The following CMIP variants were observed in gnomAD, a reference collection of about 807,000 sequenced individuals.
CMIP encodes the protein C-Maf-inducing protein.
Under a neutral mutation model 97.3 loss-of-function variants are expected in CMIP, and 13 were observed. The observed-to-expected ratio is 0.13, with a 90% CI of 0.09 to 0.21. CMIP has a LOEUF of 0.21. CMIP is among the 10% of genes least tolerant of loss of function. CMIP has a pLI of 1.00. For synonymous variants in CMIP, 538 were observed against 436.3 expected (o/e 1.23, Z -2.91); for missense variants, 847 against 1,024.9 (o/e 0.83, Z 2.37).
chr16:81,509,109 C>T (rs925489211), intron 1 of CMIP, among the ~76,000 whole-genome samples: 5 of 152,188 alleles, frequency 3.3e-5, no homozygotes, highest in Admixed American at 1.3e-4. Flanking sequence ...GAAAAAGTGC[C>T]AGCAGGTCCT....
At chr16:81,495,425 G>A in intron 1 of CMIP, 1 of 1,604,034 alleles carries the variant, frequency 6.2e-7, no homozygotes, top group Non-Finnish European at 8.5e-7. Flanking sequence ...CTGCCGCTCT[G>A]TTTCCTGCGA....
chr16:81,668,143 G>A (rs867544502), intron 7 of CMIP, among the ~76,000 whole-genome samples: 1 of 152,118 alleles, frequency 6.6e-6, no homozygotes, highest in African/African-American at 2.4e-5. Flanking sequence ...TCCTGATGCA[G>A]GCTGCTCTCC....
chr16:81,652,243 G>A lies in CMIP; in HGVS notation c.518G>A (p.Ser173Asn), dbSNP rs775624890. The part of the protein sequence containing the change: ...YKYKKVLSNP[S>N]RWEVVLKEIR... ...TATAAGAAAGTGCTGAGTAACCCAA[G>A]CCGCTGGGAAGTTGTCTTGAAAGAG... The change falls in exon 4 of 21, where the codon AGC (serine) becomes AAC (asparagine). Residue 173 changes from serine to asparagine, a missense_variant. Around this residue, in one of 4 missense-constraint regions of CMIP, gnomAD observed 285 missense variants for 392.2 expected, o/e 0.73. Transcript: ENST00000537098. The surrounding 1 kb of genome is among the most constrained non-coding windows in gnomAD (Gnocchi z 5.2). 5 of 1,613,642 alleles carry A rather than the reference G, an allele frequency of 3.1e-6. No individual in the cohort carries two copies. The highest frequency in any genetic ancestry group is 4.2e-6 in the Non-Finnish European group (5 of 1,179,716).
chr16:81,654,096 C>A (rs190134592), intron 4 of CMIP, among the ~76,000 whole-genome samples: 1 of 152,230 alleles, frequency 6.6e-6, no homozygotes, highest in Non-Finnish European at 1.5e-5. Flanking sequence ...ACCACCACCA[C>A]ACCCTTATTA....
At chr16:81,685,120 G>GCCC (rs1555550366) in intron 10 of CMIP, among the ~76,000 whole-genome samples, 1 of 152,158 alleles carries the variant, frequency 6.6e-6, no homozygotes, top group Non-Finnish European at 1.5e-5. Flanking sequence ...TCTGTCCAGC[G>GCCC]CCCCCCATTC....
chr16:81,657,345 C>T (rs1307815634), intron 4 of CMIP, among the ~76,000 whole-genome samples: 1 of 152,194 alleles, frequency 6.6e-6, no homozygotes, highest in African/African-American at 2.4e-5. Flanking sequence ...GGCTGCCTGG[C>T]ACAGATTAGG....
intron 1 of CMIP, among the ~76,000 whole-genome samples, chr16:81,591,134 A>C (rs535319173): frequency 5.3e-5 from 8 of 152,228 alleles, no homozygotes; most frequent in Non-Finnish European, 1.0e-4. Flanking sequence ...CTTCATTAAT[A>C]ACTAGCAGCA....
intron 3 of CMIP, among the ~76,000 whole-genome samples, chr16:81,639,709 G>A (rs1350089031): frequency 2.0e-5 from 3 of 152,198 alleles, no homozygotes; most frequent in Non-Finnish European, 4.4e-5. Context: ...CTGTGAACAT[G>A]GGTGTGCAAA....
At chr16:81,456,903 T>C (rs1337222441) in intron 1 of CMIP, among the ~76,000 whole-genome samples, 1 of 152,182 alleles carries the variant, frequency 6.6e-6, no homozygotes, top group Non-Finnish European at 1.5e-5. Flanking sequence ...GCCAGCTTCC[T>C]GCAGACCCAT....
At chr16:81,583,805 GA>G (rs909700926) in intron 1 of CMIP, among the ~76,000 whole-genome samples, 4 of 152,172 alleles carry the variant, frequency 2.6e-5, no homozygotes, top group Admixed American at 6.5e-5. Context: ...AAGGGGGCTG[GA>G]TTTTTCTCTG....
chr16:81,668,101 G>T (rs2092630323), intron 7 of CMIP, among the ~76,000 whole-genome samples: 1 of 152,064 alleles, frequency 6.6e-6, no homozygotes, highest in South Asian at 2.1e-4. Context: ...TAGACCTGAG[G>T]GGGGTCTCTA....
intron 7 of CMIP, 184 bp downstream of exon 7, chr16:81,664,533 C>T (rs1394188443): frequency 1.7e-5 from 9 of 543,948 alleles, no homozygotes; most frequent in African/African-American, 3.9e-5. Flanking sequence ...TCCTCCATTA[C>T]GGCAACAGGA....
intron 2 of CMIP, among the ~76,000 whole-genome samples, chr16:81,611,924 G>A (rs1015893883): frequency 2.0e-5 from 3 of 152,192 alleles, no homozygotes; most frequent in African/African-American, 7.2e-5. Flanking sequence ...GCAGACAGAG[G>A]CGCCCAGCCT....
chr16:81,631,215 T>C (rs2092154056), intron 3 of CMIP: 1 of 152,344 alleles, frequency 6.6e-6, no homozygotes, highest in African/African-American at 2.4e-5. Context: ...TGCTGGGGAC[T>C]TCTCAAAATT....
At chr16:81,579,350 G>T (rs2091256844) in intron 1 of CMIP, among the ~76,000 whole-genome samples, 1 of 152,156 alleles carries the variant, frequency 6.6e-6, no homozygotes, top group Non-Finnish European at 1.5e-5. Flanking sequence ...TTTGGCCCTA[G>T]CTCTGCTCTC....
intron 10 of CMIP, among the ~76,000 whole-genome samples, chr16:81,679,971 C>T (rs1165374600): frequency 1.3e-5 from 2 of 152,244 alleles, no homozygotes; most frequent in Admixed American, 1.3e-4. Flanking sequence ...CCACAAACTC[C>T]TTCCTTCGGA....
intron 1 of CMIP, among the ~76,000 whole-genome samples, chr16:81,473,136 AG>A (rs1384755745): frequency 6.6e-6 from 1 of 152,192 alleles, no homozygotes; most frequent in Non-Finnish European, 1.5e-5. Context: ...GCCTCCTCTG[AG>A]GTCAGTGCCT....
intron 10 of CMIP, among the ~76,000 whole-genome samples, chr16:81,679,969 T>C (rs9927938): frequency 0.12 from 17,620 of 152,174 alleles, 1,316 homozygotes; most frequent in African/African-American, 0.21. Flanking sequence ...CTCCACAAAC[T>C]CCTTCCTTCG....
At position 81,538,577 on chromosome 16, in the gene CMIP, C is replaced by A. The variant is rs562317185; in HGVS notation, c.301-68990C>A. Among the ~76,000 whole-genome samples, 94 of 152,232 alleles carry A rather than the reference C, an allele frequency of 6.2e-4. 1 individual carries two copies. The highest frequency in any genetic ancestry group is 5.9e-5 in the Non-Finnish European group (4 of 68,020). ...TTTTGATAGGAAGTTGATTTGATTA[C>A]CATTTTATAAGATTTTCTTGGTCTG... On this transcript the variant is annotated intron_variant, in intron 1 of 20. Transcript: ENST00000537098.
Sources: allele counts gnomAD v4.1 joint callset (sites outside exome capture counted in the v4.1 genomes callset), GRCh38; gene constraint gnomAD v4.1.1; regional missense constraint gnomAD v4.1.1; non-coding constraint Gnocchi (gnomAD v3.1); transcripts MANE v1.5; gene names NCBI Gene and HGNC (gene_info 2026-07-23, HGNC 2026-07-21).